C19orf84: variants seen among roughly 807,000 people sequenced by gnomAD.
C19orf84 encodes piRNA-mediated silencing protein C19orf84.
In C19orf84, 1 loss-of-function variant was observed where a neutral mutation model predicts 4.0. The ratio of observed to expected loss-of-function variants is 0.25; its 90% CI spans 0.09 to 1.19. C19orf84 has a LOEUF of 1.19. C19orf84 is among the 50% of genes most tolerant of loss of function. The probability of loss-of-function intolerance (pLI) is 0.50; values close to 1 mark genes in which losing one functional copy is unlikely to be tolerated. For synonymous variants in C19orf84, 123 were observed against 109.6 expected (o/e 1.12, Z -0.76); for missense variants, 224 against 246.8 (o/e 0.91, Z 0.62).
rs1987206985 is a variant in C19orf84 at position 51,389,250 on chromosome 19, C to T, written c.295G>A (p.Val99Ile). 1.3e-6 allele frequency: 2 copies of T among 1,535,438 alleles called. No individual in the cohort carries two copies. Among genetic ancestry groups the T allele is most frequent in the South Asian group, 2.4e-5 (2 of 84,000 alleles). Residue 99 changes from valine (V) to isoleucine (I), a missense_variant, in exon 2 of 2, where the codon GTT becomes ATT. Transcript: ENST00000574814. The surrounding 1 kb of genome is among the most constrained non-coding windows in gnomAD (Gnocchi z 4.7). ...CCGCGTCCCCTGGGAGGCCTCCTAA[C>T]TGCCCCCGGCTGGGAGTGGCCTGCC... ...SQAGHSQPGA[V>I]RRPPRGRGGW...
chr19:51,389,403 G>A lies in C19orf84; in HGVS notation c.142C>T (p.Leu48Phe), dbSNP rs1280961746. The A allele has an allele frequency of 6.7e-7, 1 of 1,492,226 alleles. No homozygotes were observed. Among genetic ancestry groups the A allele is most frequent in the Non-Finnish European group, 8.9e-7 (1 of 1,123,074 alleles). 92.4% of individuals were successfully genotyped at this position (1,492,226 alleles called of 1,614,324 possible). ...GTGACAGAGGCCACGCTCTCCGGGA[G>A]CCCCAGGTGGGTGGGGTCTGTGGAG... Reference protein sequence around the residue: ...LNSTDPTHLGLPESVASVTVP... With the variant: ...LNSTDPTHLGFPESVASVTVP... The change falls in exon 2 of 2, where the codon CTC (leucine) becomes TTC (phenylalanine). Residue 48 changes from leucine to phenylalanine, a missense_variant. Leu to Phe is a conservative substitution (Grantham distance 22, BLOSUM62 0). Coordinates refer to ENST00000574814, the MANE Select transcript of C19orf84 (RefSeq NM_001193623.2). This position sits in a 1 kb window ranked among gnomAD's most constrained non-coding sequence, Gnocchi z 4.7.
chr19:51,389,442 G>A lies in C19orf84; in HGVS notation c.103C>T (p.Pro35Ser), dbSNP rs930898195. 2.1e-6 allele frequency: 3 copies of A among 1,454,370 alleles called. No individual in the cohort carries two copies. Among genetic ancestry groups the A allele is most frequent in the Non-Finnish European group, 2.7e-6 (3 of 1,107,154 alleles). The allele number at this position is 1,454,370 out of a possible 1,614,324, so 90.1% of individuals were successfully genotyped here. Residue 35 changes from proline (P) to serine (S), a missense_variant, in exon 2 of 2, where the codon CCC becomes TCC. Coordinates refer to ENST00000574814, the MANE Select transcript of C19orf84 (RefSeq NM_001193623.2). This position sits in a 1 kb window ranked among gnomAD's most constrained non-coding sequence, Gnocchi z 4.7. ...WPPAPLPAPP[P>S]LLLNSTDPTH... The stretch of plus-strand genomic sequence containing the variant: ...GGGTCTGTGGAGTTCAGGAGCAAGG[G>A]TGGAGGGGCTGGGAGAGGCGCAGGG...
In C19orf84 at chr19:51,389,039, G is replaced by A; in HGVS notation, c.506C>T (p.Pro169Leu). 1.3e-6 allele frequency: 2 copies of A among 1,536,046 alleles called. No homozygotes were observed. The highest frequency in any genetic ancestry group is 1.7e-6 in the Non-Finnish European group (2 of 1,146,882). The change falls in exon 2 of 2, where the codon CCA becomes CTA. Residue 169 changes from proline to leucine, a missense_variant. Transcript: ENST00000574814. The surrounding 1 kb of genome is among the most constrained non-coding windows in gnomAD (Gnocchi z 4.7). ...AQDGKKEARG[P>L]EPPLETPLAA... ...CAGTGGTGTTTCCAGGGGTGGCTCT[G>A]GACCTCGAGCTTCTTTCTTCCCATC... is the stretch of plus-strand genomic sequence containing the variant.
chr19:51,390,273 G>A lies in C19orf84; in HGVS notation c.35+205C>T, dbSNP rs549198289. On this transcript the variant is annotated intron_variant, in intron 1 of 1. Transcript: ENST00000574814. ...ATTACAGGCATAAGCCACTGCACCC[G>A]GCCTCCGCCTGTTTCTAAGTATCTC... 7 of 448,230 alleles carry A rather than the reference G, an allele frequency of 1.6e-5. No homozygotes were observed. In the East Asian group the frequency reaches 2.5e-4, roughly 16 times the overall value. 27.8% of individuals were successfully genotyped at this position (448,230 alleles called of 1,614,324 possible).
chr19:51,388,760 GGT>G lies in C19orf84; in HGVS notation c.*222_*223del. Reference sequence around the variant, plus strand: ...TGGGGTTGAGGCCATCAAGGAGACAGGTTTGGGTACGAGGTTTAGGATTTTCT... The same window carrying G: ...TGGGGTTGAGGCCATCAAGGAGACAGTTGGGTACGAGGTTTAGGATTTTCT... On this transcript the variant is annotated 3_prime_UTR_variant, in exon 2 of 2. Transcript: ENST00000574814. 1.7e-6 allele frequency: 1 copy of G among 589,460 alleles called. No homozygotes were observed. The highest frequency in any genetic ancestry group is 3.0e-6 in the Non-Finnish European group (1 of 334,284). 36.5% of individuals were successfully genotyped at this position (589,460 alleles called of 1,614,324 possible).
At position 51,389,365 on chromosome 19, in the gene C19orf84, G is replaced by C. The variant is rs775949877; in HGVS notation, c.180C>G (p.Arg60=). 1.3e-6 allele frequency: 2 copies of C among 1,522,748 alleles called. No homozygotes were observed. The highest frequency in any genetic ancestry group is 4.9e-5 in the East Asian group (2 of 40,724). 94.3% of individuals were successfully genotyped at this position (1,522,748 alleles called of 1,614,324 possible). The change falls in exon 2 of 2, where the codon CGC becomes CGG. Residue 60 remains arginine (R), a synonymous_variant. Transcript: ENST00000574814. The surrounding 1 kb of genome is among the most constrained non-coding windows in gnomAD (Gnocchi z 4.7). ...ESVASVTVPI[R]LDTLSCLLHS... ...GCAGGAGGCAGGAGAGGGTGTCCAG[G>C]CGTATGGGCACGGTGACAGAGGCCA...
In C19orf84 at chr19:51,388,645, T is replaced by C; in HGVS notation, c.*339A>G. The C allele has an allele frequency of 6.3e-6, 2 of 318,646 alleles. No individual in the cohort carries two copies. Among genetic ancestry groups the C allele is most frequent in the Non-Finnish European group, 1.2e-5 (2 of 172,656 alleles). The allele number at this position is 318,646 out of a possible 1,614,324, so 19.7% of individuals were successfully genotyped here. ...AGGCAGGTAGGAGTGGCTTTGGGAT[T>C]AGGGAGAGGATAGGGAATGGGGTTG... On this transcript the variant is annotated 3_prime_UTR_variant, in exon 2 of 2. Transcript: ENST00000574814.
At chr19:51,390,325 G>C (rs567783360) in intron 1 of C19orf84, 153 bp downstream of exon 1, 2 of 615,188 alleles carry the variant, frequency 3.3e-6, no homozygotes, top group African/African-American at 3.8e-5. Context: ...GATCTTCTAA[G>C]ATTCTGTACC....
At position 51,389,789 on chromosome 19, in the gene C19orf84, T is replaced by G. The variant is rs1987250364; in HGVS notation, c.36-280A>C. ...TATCTTTGGACAAATCATTTTCCTA[T>G]TCCGAACCTTAATTTGTTTATAGTC... On this transcript the variant is annotated intron_variant, in intron 1 of 1. Coordinates refer to ENST00000574814, the MANE Select transcript of C19orf84 (RefSeq NM_001193623.2). The surrounding 1 kb of genome is among the most constrained non-coding windows in gnomAD (Gnocchi z 4.7). 6.6e-6 allele frequency among the ~76,000 whole-genome samples: 1 copy of G among 152,216 alleles called. No individual in the cohort carries two copies. The highest frequency in any genetic ancestry group is 1.5e-5 in the Non-Finnish European group (1 of 68,038).
rs752391698 is a variant in C19orf84 at position 51,389,189 on chromosome 19, C to G, written c.356G>C (p.Arg119Pro). ...CCCAAGGCCCCGTCGATGCAGGCCT[C>G]GGCCCCAGCCTGGCCTGTGCCTGAC... ...WEVRHRPGWG[R>P]GLHRRGLGRA... Residue 119 changes from arginine to proline, a missense_variant, in exon 2 of 2, where the codon CGA (arginine) becomes CCA (proline). Transcript: ENST00000574814. The surrounding 1 kb of genome is among the most constrained non-coding windows in gnomAD (Gnocchi z 4.7). The G allele has an allele frequency of 5.2e-6, 8 of 1,534,740 alleles. No homozygotes were observed. The Admixed American group carries it at 5.9e-5, about 11-fold the overall frequency.
In C19orf84 at chr19:51,389,238, G is replaced by A; in HGVS notation, c.307C>T (p.Pro103Ser). Residue 103 changes from proline to serine, a missense_variant, in exon 2 of 2, where the codon CCC becomes TCC. Physicochemically the swap from Pro to Ser is moderately conservative, Grantham distance 74. Transcript: ENST00000574814. The surrounding 1 kb of genome is among the most constrained non-coding windows in gnomAD (Gnocchi z 4.7). ...ACTTCCCAGCCTCCGCGTCCCCTGGGAGGCCTCCTAACTGCCCCCGGCTGG... is the reference window on the plus strand; with the variant it reads ...ACTTCCCAGCCTCCGCGTCCCCTGGAAGGCCTCCTAACTGCCCCCGGCTGG... ...HSQPGAVRRP[P>S]RGRGGWEVRH... is the part of the protein sequence containing the mutation. 1 of 1,535,062 alleles carries A rather than the reference G, an allele frequency of 6.5e-7. No individual in the cohort carries two copies. Among genetic ancestry groups the A allele is most frequent in the South Asian group, 1.2e-5 (1 of 83,986 alleles).
At position 51,388,763 on chromosome 19, in the gene C19orf84, T is replaced by TCC; in HGVS notation, c.*220_*221insGG. ...GGTTGAGGCCATCAAGGAGACAGGT[T>TCC]TGGGTACGAGGTTTAGGATTTTCTT... On this transcript the variant is annotated 3_prime_UTR_variant, in exon 2 of 2. Coordinates refer to ENST00000574814, the MANE Select transcript of C19orf84 (RefSeq NM_001193623.2). 1.7e-6 allele frequency: 1 copy of TCC among 587,326 alleles called. No individual in the cohort carries two copies. The highest frequency in any genetic ancestry group is 3.0e-6 in the Non-Finnish European group (1 of 333,266). The allele number at this position is 587,326 out of a possible 1,614,324, so 36.4% of individuals were successfully genotyped here. A position where few individuals can be genotyped will look rare whatever the true frequency, so the allele number is the denominator to read the frequency against.
intron 1 of C19orf84, 147 bp downstream of exon 1, chr19:51,390,331 G>T: frequency 1.5e-6 from 1 of 647,500 alleles, no homozygotes; most frequent in Non-Finnish European, 2.3e-6. Flanking sequence ...CTAAGATTCT[G>T]TACCTATGTG....
rs530544347 is a variant in C19orf84 at position 51,389,421 on chromosome 19, C to T, written c.124G>A (p.Asp42Asn). ...TCCGGGAGCCCCAGGTGGGTGGGGT[C>T]TGTGGAGTTCAGGAGCAAGGGTGGA... ...APPPLLLNST[D>N]PTHLGLPESV... is the part of the protein sequence containing the mutation. The change falls in exon 2 of 2, where the codon GAC becomes AAC. Residue 42 changes from aspartate to asparagine, a missense_variant. Physicochemically the swap from Asp to Asn is conservative, Grantham distance 23. Transcript: ENST00000574814. The surrounding 1 kb of genome is among the most constrained non-coding windows in gnomAD (Gnocchi z 4.7). 2 of 1,475,118 alleles carry T rather than the reference C, an allele frequency of 1.4e-6. No individual in the cohort carries two copies. The highest frequency in any genetic ancestry group is 4.8e-5 in the Admixed American group (2 of 41,890). 91.4% of individuals were successfully genotyped at this position (1,475,118 alleles called of 1,614,324 possible).
At chr19:51,390,227 T>C in intron 1 of C19orf84, 1 of 364,380 alleles carries the variant, frequency 2.7e-6, no homozygotes, top group East Asian at 4.1e-5. Flanking sequence ...TCCACCCGCC[T>C]CGGCCTCCCA....
In C19orf84 at chr19:51,389,532, C is replaced by A; in HGVS notation, c.36-23G>T. 1 of 1,397,626 alleles carries A rather than the reference C, an allele frequency of 7.2e-7. No homozygotes were observed. Among genetic ancestry groups the A allele is most frequent in the South Asian group, 1.7e-5 (1 of 58,350 alleles). 86.6% of individuals were successfully genotyped at this position (1,397,626 alleles called of 1,614,324 possible). A position where few individuals can be genotyped will look rare whatever the true frequency, so the allele number is the denominator to read the frequency against. ...TTCCTAGAACAACAAAAAGACAGGT[C>A]AGTGGGGCTCAGCGTCTCCGTACTT... On this transcript the variant is annotated intron_variant, in intron 1 of 1. Coordinates refer to ENST00000574814, the MANE Select transcript of C19orf84 (RefSeq NM_001193623.2). The surrounding 1 kb of genome is among the most constrained non-coding windows in gnomAD (Gnocchi z 4.7).
At position 51,388,510 on chromosome 19, in the gene C19orf84, G is replaced by A. The variant is rs1987162674; in HGVS notation, c.*474C>T. 5.6e-6 allele frequency: 1 copy of A among 177,386 alleles called. No individual in the cohort carries two copies. Among genetic ancestry groups the A allele is most frequent in the Non-Finnish European group, 1.2e-5 (1 of 82,512 alleles). 11.0% of individuals were successfully genotyped at this position (177,386 alleles called of 1,614,324 possible). On this transcript the variant is annotated 3_prime_UTR_variant, in exon 2 of 2. Transcript: ENST00000574814. ...GTACACAGGCAATGAGGAGAAAGGGGTTGGTAAAGAGGGTGGGTTAGGGTT... is the reference window on the plus strand; with the variant it reads ...GTACACAGGCAATGAGGAGAAAGGGATTGGTAAAGAGGGTGGGTTAGGGTT...
chr19:51,390,527 T>G lies in C19orf84; in HGVS notation c.-15A>C. 1 of 1,525,044 alleles carries G rather than the reference T, an allele frequency of 6.6e-7. No homozygotes were observed. Among genetic ancestry groups the G allele is most frequent in the Non-Finnish European group, 8.8e-7 (1 of 1,140,934 alleles). The allele number at this position is 1,525,044 out of a possible 1,614,324, so 94.5% of individuals were successfully genotyped here. A position where few individuals can be genotyped will look rare whatever the true frequency, so the allele number is the denominator to read the frequency against. On this transcript the variant is annotated 5_prime_UTR_variant, in exon 1 of 2. Coordinates refer to ENST00000574814, the MANE Select transcript of C19orf84 (RefSeq NM_001193623.2). ...GGTTGTTCCATCTCCACTGGGGCCC[T>G]CTTACGTATCTTCTAGCAACTTCGC...
In C19orf84 at chr19:51,389,404, C is replaced by T. The variant is rs1412734502; in HGVS notation, c.141G>A (p.Gly47=). 6.0e-6 allele frequency: 9 copies of T among 1,491,464 alleles called. No homozygotes were observed. In the East Asian group the frequency reaches 2.2e-4, roughly 37 times the overall value. The allele number at this position is 1,491,464 out of a possible 1,614,324, so 92.4% of individuals were successfully genotyped here. ...TGACAGAGGCCACGCTCTCCGGGAG[C>T]CCCAGGTGGGTGGGGTCTGTGGAGT... ...LLNSTDPTHL[G]LPESVASVTV... is the part of the protein sequence containing the mutation. Residue 47 remains glycine, a synonymous_variant, in exon 2 of 2, where the codon GGG becomes GGA. Transcript: ENST00000574814. The surrounding 1 kb of genome is among the most constrained non-coding windows in gnomAD (Gnocchi z 4.7).
Sources: allele counts gnomAD v4.1 joint callset (sites outside exome capture counted in the v4.1 genomes callset), GRCh38; gene constraint gnomAD v4.1.1; non-coding constraint Gnocchi (gnomAD v3.1); transcripts MANE v1.5; gene names NCBI Gene and HGNC (gene_info 2026-07-23, HGNC 2026-07-21).